The following ALDH1A2 variants were observed in gnomAD, a reference collection of about 807,000 sequenced individuals.
The protein encoded by ALDH1A2 is aldehyde dehydrogenase 1 family member A2.
Under a neutral mutation model 60.3 loss-of-function variants are expected in ALDH1A2, and 27 were observed. The observed-to-expected ratio is 0.45, with a 90% CI of 0.33 to 0.62. The LOEUF (loss-of-function observed/expected upper bound fraction) is 0.62. ALDH1A2 is among the 20% of genes least tolerant of loss of function. ALDH1A2 has a pLI of 0.02. For missense variants in ALDH1A2, 581 were observed against 643.8 expected, an observed-to-expected ratio of 0.90 and a Z score of 1.06; for synonymous variants, 289 against 232.4, an observed-to-expected ratio of 1.24 and a Z score of -2.21.
intron 7 of ALDH1A2, among the ~76,000 whole-genome samples, chr15:57,979,458 G>A (rs74017092): frequency 9.5e-4 from 145 of 152,220 alleles, no homozygotes; most frequent in African/African-American, 3.3e-3. Flanking sequence ...TGGCAGCCTG[G>A]ACGTGCCAGC....
intron 7 of ALDH1A2, among the ~76,000 whole-genome samples, chr15:57,982,201 A>C (rs1199944483): frequency 6.6e-6 from 1 of 152,176 alleles, no homozygotes; most frequent in African/African-American, 2.4e-5. Context: ...CATCCTCACA[A>C]TCCATGAGGT....
Position 58,018,331 on chromosome 15 carries a change from A to C in ALDH1A2, c.118-4050T>G, listed in dbSNP as rs185700082. Among the ~76,000 whole-genome samples, 388 of 152,274 alleles carry C rather than the reference A, an allele frequency of 2.5e-3. 1 individual carries two copies. The highest frequency in any genetic ancestry group is 8.8e-3 in the African/African-American group (367 of 41,570). On this transcript the variant is annotated intron_variant, in intron 1 of 12. Transcript: ENST00000249750. ...CATCCAAAAGTTCATAATGATATACATTTTTAAATGAATAAATAAATAAAT... is the reference window on the plus strand; with the variant it reads ...CATCCAAAAGTTCATAATGATATACCTTTTTAAATGAATAAATAAATAAAT...
chr15:58,059,891 C>T (rs769035045), intron 1 of ALDH1A2, among the ~76,000 whole-genome samples: 29 of 152,228 alleles, frequency 1.9e-4, no homozygotes, highest in Non-Finnish European at 2.8e-4. Context: ...TAAAAGAATA[C>T]ATAAAACAGA....
intron 1 of ALDH1A2, among the ~76,000 whole-genome samples, chr15:58,025,910 C>T (rs1205285788): frequency 1.3e-5 from 2 of 152,306 alleles, no homozygotes; most frequent in East Asian, 3.9e-4. Context: ...AGAACTCACT[C>T]ATTACCTCAG....
chr15:58,065,662 G>C lies in ALDH1A2; in HGVS notation c.-12C>G. The C allele has an allele frequency of 6.4e-7, 1 of 1,569,188 alleles. No homozygotes were observed. ...TTGCTGGAAGTCATGGTGGCGGGCC[G>C]GGTGTCCCTAGCCCGCGGCGTGGGG... On this transcript the variant is annotated 5_prime_UTR_variant, in exon 1 of 13. Coordinates refer to ENST00000249750, the MANE Select transcript of ALDH1A2 (RefSeq NM_003888.4).
intron 1 of ALDH1A2, among the ~76,000 whole-genome samples, chr15:58,042,889 G>T (rs1255816077): frequency 1.3e-5 from 2 of 151,938 alleles, no homozygotes; most frequent in Non-Finnish European, 2.9e-5. Context: ...AAGTCTGAAA[G>T]GCCAAATTGA....
In ALDH1A2 at chr15:58,057,896, A is replaced by G. The variant is rs1183047591; in HGVS notation, c.117+7638T>C. ...GGGAGGCACAAGAGTAGCTCTGGCT[A>G]CAGCCAAAAATAAAAATGACCCTGA... On this transcript the variant is annotated intron_variant, in intron 1 of 12. Coordinates refer to ENST00000249750, the MANE Select transcript of ALDH1A2 (RefSeq NM_003888.4). 5.9e-5 allele frequency: 26 copies of G among 442,778 alleles called. No homozygotes were observed. In the East Asian group the frequency reaches 1.2e-3, roughly 21 times the overall value. The allele number at this position is 442,778 out of a possible 1,614,324, so 27.4% of individuals were successfully genotyped here.
chr15:58,026,061 C>G (rs114602653), intron 1 of ALDH1A2, among the ~76,000 whole-genome samples: 2,058 of 152,242 alleles, frequency 0.014, 41 homozygotes, highest in African/African-American at 0.041. Context: ...AGGGAATTCT[C>G]TCTAAATCAT....
At chr15:58,063,963 G>A (rs1429881891) in intron 1 of ALDH1A2, among the ~76,000 whole-genome samples, 1 of 125,290 alleles carries the variant, frequency 8.0e-6, no homozygotes, top group Non-Finnish European at 1.9e-5. Context: ...AAGAGAACTG[G>A]AAGAGCTTCC....
chr15:58,011,906 A>G (rs1036699896), intron 3 of ALDH1A2, among the ~76,000 whole-genome samples: 3 of 152,204 alleles, frequency 2.0e-5, no homozygotes, highest in Non-Finnish European at 4.4e-5. Context: ...AATAGTGTCA[A>G]TAACCAGAAT....
intron 1 of ALDH1A2, among the ~76,000 whole-genome samples, chr15:58,047,561 A>G (rs879135760): frequency 6.6e-6 from 1 of 152,032 alleles, no homozygotes. Context: ...TGATCATCTC[A>G]GTATGGCACT....
At chr15:58,037,194 G>A (rs1896397825) in intron 1 of ALDH1A2, among the ~76,000 whole-genome samples, 1 of 151,422 alleles carries the variant, frequency 6.6e-6, no homozygotes, top group African/African-American at 2.4e-5. Flanking sequence ...AAGAATGAGA[G>A]TAAATAAATC....
intron 4 of ALDH1A2, among the ~76,000 whole-genome samples, chr15:58,002,234 T>C (rs1390824454): frequency 1.3e-5 from 2 of 151,920 alleles, no homozygotes; most frequent in Non-Finnish European, 2.9e-5. Flanking sequence ...TATGTGTGCA[T>C]TGAGCCATTT....
intron 7 of ALDH1A2, among the ~76,000 whole-genome samples, chr15:57,974,592 T>A (rs965355284): frequency 3.3e-5 from 5 of 152,084 alleles, no homozygotes; most frequent in Non-Finnish European, 7.4e-5. Context: ...ATCTAGCACT[T>A]GGATCCTTAC....
chr15:58,032,846 T>C (rs931105264), intron 1 of ALDH1A2, among the ~76,000 whole-genome samples: 4 of 151,764 alleles, frequency 2.6e-5, no homozygotes, highest in Middle Eastern at 6.8e-3. Context: ...TATTTAGCCA[T>C]AGAAAAGAAA....
At position 57,996,310 on chromosome 15, in the gene ALDH1A2, TCTCTCTCTCTTA is replaced by T. The variant is rs1428588012; in HGVS notation, c.494-1183_494-1172del. ...ATTAAAGTCTTGGCCTCTCTCTCTC[TCTCTCTCTCTTA>T]CTCTCCCAGTGTCACTCTCTATCCT... On this transcript the variant is annotated intron_variant, in intron 4 of 12. Coordinates refer to ENST00000249750, the MANE Select transcript of ALDH1A2 (RefSeq NM_003888.4). Among the ~76,000 whole-genome samples the T allele has an allele frequency of 2.6e-5, 4 of 151,936 alleles. 1 individual carries two copies. The highest frequency in any genetic ancestry group is 9.7e-5 in the African/African-American group (4 of 41,382).
intron 1 of ALDH1A2, among the ~76,000 whole-genome samples, chr15:58,061,613 A>AAAAAAAC (rs1897039652): frequency 7.7e-6 from 1 of 130,524 alleles, no homozygotes; most frequent in African/African-American, 2.8e-5. Context: ...AAAAAAACAA[A>AAAAAAAC]AAAAAAAAAA....
chr15:57,961,052 C>A, intron 11 of ALDH1A2, 85 bp downstream of exon 11: 2 of 1,565,056 alleles, frequency 1.3e-6, no homozygotes, highest in South Asian at 1.1e-5. Flanking sequence ...TGGTATTCCC[C>A]ATCCTTCCAA....
intron 4 of ALDH1A2, among the ~76,000 whole-genome samples, chr15:58,005,233 T>G (rs531856099): frequency 3.3e-5 from 5 of 151,952 alleles, no homozygotes; most frequent in African/African-American, 7.2e-5. Context: ...CACTTAGACA[T>G]CCCACCACCC....
Sources: gnomAD v4.1 joint callset for allele counts (sites outside exome capture counted in the v4.1 genomes callset) on GRCh38, gnomAD v4.1.1 for gene constraint, MANE v1.5 for transcripts, NCBI Gene and HGNC (gene_info 2026-07-23, HGNC 2026-07-21) for gene names.